The following MMP12 variants were observed in gnomAD, a reference collection of about 807,000 sequenced individuals.
The protein encoded by MMP12 is matrix metallopeptidase 12.
In MMP12, 51 loss-of-function variants were observed where a neutral mutation model predicts 45.2. The observed-to-expected ratio is 1.13, with a 90% CI of 0.90 to 1.42. The LOEUF is 1.42. MMP12 is among the 40% of genes most tolerant of loss of function. The pLI, the probability that MMP12 is intolerant of heterozygous loss-of-function variation, is 0.00. For missense variants in MMP12, 530 were observed against 570.8 expected (o/e 0.93, Z 0.73); for synonymous variants, 210 against 193.3 (o/e 1.09, Z -0.72).
Position 102,867,354 on chromosome 11 carries a change from T to C in MMP12, c.827A>G (p.Asn276Ser), listed in dbSNP as rs201644295. ...KENQRLPNPDNSEPALCDPNL... is the reference protein window; with the variant it reads ...KENQRLPNPDSSEPALCDPNL... ...GGGGTCACAGAGAGCTGGTTCTGAA[T>C]TGTCAGGATTTGGCAAGCGTTGGTT... Residue 276 changes from asparagine to serine, a missense_variant, in exon 6 of 10, where the codon AAT becomes AGT. Asn to Ser is a conservative substitution (Grantham distance 46). Transcript: ENST00000571244. 4.5e-5 allele frequency: 72 copies of C among 1,611,474 alleles called. No individual in the cohort carries two copies. The highest frequency in any genetic ancestry group is 4.3e-5 in the Non-Finnish European group (51 of 1,178,848).
chr11:102,867,511 A>C, intron 5 of MMP12, 118 bp from the exon 6 acceptor site: 1 of 1,057,210 alleles, frequency 9.5e-7, no homozygotes, highest in Non-Finnish European at 1.3e-6. Context: ...AATCATTTTA[A>C]GCTTTCTATA....
Position 102,865,766 on chromosome 11 carries a change from T to G in MMP12, c.1205+10A>C. The G allele has an allele frequency of 6.2e-7, 1 of 1,602,678 alleles. No homozygotes were observed. Among genetic ancestry groups the G allele is most frequent in the South Asian group, 1.1e-5 (1 of 89,052 alleles). ...TCTGAGGGGTCGAATGACCAACCAT[T>G]AAAACTCACCTCCAATACTGGTTAT... On this transcript the variant is annotated intron_variant, in intron 8 of 9. Transcript: ENST00000571244. The surrounding 1 kb of genome is among the most constrained non-coding windows in gnomAD (Gnocchi z 4.1).
chr11:102,871,393 CAG>C (rs1333543248), intron 4 of MMP12, among the ~76,000 whole-genome samples, 199 bp downstream of exon 4: 2 of 152,092 alleles, frequency 1.3e-5, no homozygotes, highest in Non-Finnish European at 2.9e-5. Context: ...CCTCAATTTA[CAG>C]AGAGTAAAAT....
chr11:102,870,876 C>A (rs1565234417), intron 4 of MMP12, among the ~76,000 whole-genome samples: 1 of 152,180 alleles, frequency 6.6e-6, no homozygotes, highest in East Asian at 1.9e-4. Flanking sequence ...AAATTGTCAG[C>A]ATATTATGAA....
chr11:102,870,212 T>C (rs1412078179), intron 4 of MMP12, among the ~76,000 whole-genome samples: 1 of 152,232 alleles, frequency 6.6e-6, no homozygotes, highest in African/African-American at 2.4e-5. Flanking sequence ...AAACATTTTT[T>C]TGAGGCTAAC....
intron 1 of MMP12, 32 bp downstream of exon 1, chr11:102,874,804 A>T: frequency 7.5e-7 from 1 of 1,338,838 alleles, no homozygotes; most frequent in South Asian, 1.3e-5. Flanking sequence ...ACAAACATCA[A>T]GCTCGATAAA....
In MMP12 at chr11:102,865,835, T is replaced by A. The variant is rs781995347; in HGVS notation, c.1146A>T (p.Ala382=). The A allele has an allele frequency of 6.2e-7, 1 of 1,613,084 alleles. No individual in the cohort carries two copies. The highest frequency in any genetic ancestry group is 8.5e-7 in the Non-Finnish European group (1 of 1,179,388). ...GFPNFVKKID[A]AVFNPRFYRT... ...TATAAAAACGTGGGTTAAAAACAGC[T>A]GCATCAATTTTTTTCACAAAGTTAG... The change falls in exon 8 of 10, where the codon GCA becomes GCT. Residue 382 remains alanine, a synonymous_variant. Transcript: ENST00000571244. The surrounding 1 kb of genome is among the most constrained non-coding windows in gnomAD (Gnocchi z 4.1).
intron 3 of MMP12, 33 bp from the exon 4 acceptor site, chr11:102,871,752 A>G (rs1000416970): frequency 6.2e-7 from 1 of 1,613,596 alleles, no homozygotes; most frequent in Non-Finnish European, 8.5e-7. Flanking sequence ...TAGTCCTTCT[A>G]TACATCCTAT....
intron 1 of MMP12, among the ~76,000 whole-genome samples, chr11:102,873,572 C>A (rs1162449563): frequency 6.6e-6 from 1 of 152,108 alleles, no homozygotes; most frequent in Admixed American, 6.6e-5. Flanking sequence ...TGCACTCCAG[C>A]CTGGATGACA....
Position 102,863,180 on chromosome 11 carries a change from C to A in MMP12, c.1333G>T (p.Gly445Ter), listed in dbSNP as rs202116223. The change falls in exon 10 of 10, where the codon GGA becomes TGA. Residue 445 changes from glycine (G) to a stop codon, truncating the protein, a stop_gained. Transcript: ENST00000571244. LOFTEE classifies it low-confidence loss of function (END_TRUNC). ...AAGTCATATTCAAATTGGTTAGATC[C>A]TTGGAAGAAATAGTAGTATTCTGAA... ...SKNKYYYFFQ[G>*]SNQFEYDFLL... The A allele has an allele frequency of 1.4e-5, 23 of 1,601,602 alleles. No homozygotes were observed. The highest frequency in any genetic ancestry group is 1.9e-5 in the Non-Finnish European group (22 of 1,171,462).
At chr11:102,867,754 T>C (rs1591118704) in intron 5 of MMP12, among the ~76,000 whole-genome samples, 154 bp downstream of exon 5, 3 of 152,280 alleles carry the variant, frequency 2.0e-5, no homozygotes. Context: ...CTCATCTGTA[T>C]AATGAAGATA....
intron 2 of MMP12, among the ~76,000 whole-genome samples, chr11:102,872,232 G>A (rs1859511974): frequency 6.6e-6 from 1 of 152,034 alleles, no homozygotes; most frequent in South Asian, 2.1e-4. Flanking sequence ...CTGCTCCCAG[G>A]TTCTGCATTT....
intron 5 of MMP12, among the ~76,000 whole-genome samples, chr11:102,867,652 T>G (rs1328607403): frequency 6.6e-6 from 1 of 152,166 alleles, no homozygotes; most frequent in East Asian, 1.9e-4. Flanking sequence ...CCTTCATCAG[T>G]AAGGCAATGG....
chr11:102,866,864 T>C (rs1859397555), intron 6 of MMP12, among the ~76,000 whole-genome samples: 1 of 152,202 alleles, frequency 6.6e-6, no homozygotes, highest in African/African-American at 2.4e-5. Context: ...TGCTTCAGTC[T>C]GTGTTCTAAG....
intron 8 of MMP12, among the ~76,000 whole-genome samples, chr11:102,864,488 T>C (rs1012648138): frequency 2.0e-5 from 3 of 152,216 alleles, no homozygotes; most frequent in African/African-American, 2.4e-5. Context: ...CTTCCTCTAG[T>C]GCTTGGTCCT....
rs1482333021 is a variant in MMP12 at position 102,871,823 on chromosome 11, C to A, written c.480G>T (p.Leu160Phe). The change falls in exon 3 of 10, where the codon TTG becomes TTT. Residue 160 changes from leucine (L) to phenylalanine (F), a missense_variant. Physicochemically the swap from Leu to Phe is conservative, Grantham distance 22 (BLOSUM62 0). Coordinates refer to ENST00000571244, the MANE Select transcript of MMP12 (RefSeq NM_002426.6). ...SKINTGMADI[L>F]VVFARGAHGD... Reference sequence around the variant, plus strand: ...CCCTACCTCCACGGGCAAAAACCACCAAAATGTCAGCCATGCCTGTGTTAA... The same window carrying A: ...CCCTACCTCCACGGGCAAAAACCACAAAAATGTCAGCCATGCCTGTGTTAA... The A allele has an allele frequency of 1.2e-6, 2 of 1,613,078 alleles. No homozygotes were observed. The highest frequency in any genetic ancestry group is 3.3e-5 in the Admixed American group (2 of 59,900).
rs782570567 is a variant in MMP12 at position 102,866,371 on chromosome 11, G to A, written c.989C>T (p.Ser330Phe). 3 of 1,604,388 alleles carry A rather than the reference G, an allele frequency of 1.9e-6. No homozygotes were observed. The highest frequency in any genetic ancestry group is 2.3e-5 in the South Asian group (2 of 88,838). Residue 330 changes from serine (S) to phenylalanine (F), a missense_variant, in exon 7 of 10, where the codon TCT becomes TTT. Transcript: ENST00000571244. ...AATTTCATAAGCAGCTTCAATGCCA[G>A]ATGGCAAGGTTGGCCATAAGGAAGA... is the stretch of plus-strand genomic sequence containing the variant. The part of the protein sequence containing the change: ...LISSLWPTLP[S>F]GIEAAYEIEA...
At position 102,872,974 on chromosome 11, in the gene MMP12, T is replaced by C. The variant is rs782039320; in HGVS notation, c.241A>G (p.Thr81Ala). The change falls in exon 2 of 10, where the codon ACA (threonine) becomes GCA (alanine). Residue 81 changes from threonine to alanine, a missense_variant. By Grantham distance (58) the Thr-to-Ala change is moderately conservative. Coordinates refer to ENST00000571244, the MANE Select transcript of MMP12 (RefSeq NM_002426.6). Reference protein sequence around the residue: ...LGLKVTGQLDTSTLEMMHAPR... With the variant: ...LGLKVTGQLDASTLEMMHAPR... ...GCGTGCATCATCTCCAGGGTAGATG[T>C]GTCCAGTTGCCCGGTCACTTTCAGA... 2 of 1,613,634 alleles carry C rather than the reference T, an allele frequency of 1.2e-6. No individual in the cohort carries two copies. Among genetic ancestry groups the C allele is most frequent in the South Asian group, 1.1e-5 (1 of 91,006 alleles).
rs200919828 is a variant in MMP12, at chr11:102,862,972, C to A, written c.*128G>T. 1 of 522,000 alleles carries A rather than the reference C, an allele frequency of 1.9e-6. No individual in the cohort carries two copies. Among genetic ancestry groups the A allele is most frequent in the South Asian group, 3.5e-5 (1 of 28,530 alleles). The allele number at this position is 522,000 out of a possible 1,614,324, so 32.3% of individuals were successfully genotyped here. On this transcript the variant is annotated 3_prime_UTR_variant, in exon 10 of 10. Coordinates refer to ENST00000571244, the MANE Select transcript of MMP12 (RefSeq NM_002426.6). ...ATTATGTATTTTATATAATCATTACCTATGGTTTACAGATTTTATTTTTAT... is the reference window on the plus strand; with the variant it reads ...ATTATGTATTTTATATAATCATTACATATGGTTTACAGATTTTATTTTTAT...
Sources: allele counts gnomAD v4.1 joint callset (sites outside exome capture counted in the v4.1 genomes callset), GRCh38; gene constraint gnomAD v4.1.1; non-coding constraint Gnocchi (gnomAD v3.1); transcripts MANE v1.5; gene names NCBI Gene and HGNC (gene_info 2026-07-23, HGNC 2026-07-21).